Variants in SMARCAL1 observed in about 807,000 individuals in gnomAD.
The protein encoded by SMARCAL1 is ATP-driven annealing helicase.
SMARCAL1 carries 58 observed loss-of-function variants against 94.5 expected under a neutral mutation model. That is an observed-to-expected ratio of 0.61 (90% confidence interval 0.50 to 0.76). The LOEUF (loss-of-function observed/expected upper bound fraction) is 0.76, where lower values mean the gene tolerates loss of function less well. Among genes scored for constraint, SMARCAL1 ranks in the 30% least tolerant of loss-of-function variants. The pLI, the probability that SMARCAL1 is intolerant of heterozygous loss-of-function variation, is 0.00. For synonymous variants in SMARCAL1, 422 were observed against 455.1 expected (o/e 0.93, Z 0.93); for missense variants, 1,051 against 1,177.9 (o/e 0.89, Z 1.58).
intron 12 of SMARCAL1, among the ~76,000 whole-genome samples, chr2:216,460,794 C>A (rs1252476958): frequency 6.6e-6 from 1 of 151,792 alleles, no homozygotes; most frequent in Non-Finnish European, 1.5e-5. Flanking sequence ...ATGTAACAAA[C>A]CTGCACGTTG....
intron 6 of SMARCAL1, among the ~76,000 whole-genome samples, chr2:216,425,233 C>T (rs1559124170): frequency 6.6e-6 from 1 of 152,220 alleles, no homozygotes; most frequent in African/African-American, 2.4e-5. Flanking sequence ...AGTCTGGCCA[C>T]AGCACATAGC....
At chr2:216,442,569 G>T (rs1450887222) in intron 10 of SMARCAL1, among the ~76,000 whole-genome samples, 1 of 152,154 alleles carries the variant, frequency 6.6e-6, no homozygotes, top group Non-Finnish European at 1.5e-5. Flanking sequence ...AAAATAACCT[G>T]CACCTATGGA....
intron 17 of SMARCAL1, 125 bp downstream of exon 17, chr2:216,478,424 A>G (rs1410513470): frequency 5.2e-6 from 4 of 769,520 alleles, no homozygotes; most frequent in Non-Finnish European, 7.0e-6. Context: ...CCTAGAGCTG[A>G]AAACAATGGC....
intron 9 of SMARCAL1, among the ~76,000 whole-genome samples, chr2:216,436,200 C>T (rs1694078660): frequency 6.6e-6 from 1 of 152,176 alleles, no homozygotes; most frequent in South Asian, 2.1e-4. Context: ...AACTCCTGAC[C>T]TCAGGTGATC....
Position 216,447,137 on chromosome 2 carries a change from TC to T in SMARCAL1, c.1831del (p.Arg611AlafsTer23), listed in dbSNP as rs1253749894. The part of the protein sequence containing the change: ...FFPQFHAFGL[R>X]YCDAKRMPWG... ...TCCCCCAGTTTCATGCCTTTGGACTTCGCTACTGTGATGCCAAACGGGTATG... is the reference window on the plus strand; with the variant it reads ...TCCCCCAGTTTCATGCCTTTGGACTTGCTACTGTGATGCCAAACGGGTATG... On this transcript the variant is annotated frameshift_variant, in exon 11 of 18. Coordinates refer to ENST00000357276, the MANE Select transcript of SMARCAL1 (RefSeq NM_014140.4). LOFTEE classifies it high-confidence loss of function. 1 of 1,614,066 alleles carries T rather than the reference TC, an allele frequency of 6.2e-7. No individual in the cohort carries two copies. Among genetic ancestry groups the T allele is most frequent in the Non-Finnish European group, 8.5e-7 (1 of 1,180,010 alleles).
chr2:216,461,466 G>A (rs953221781), intron 12 of SMARCAL1, among the ~76,000 whole-genome samples: 3 of 151,988 alleles, frequency 2.0e-5, no homozygotes, highest in African/African-American at 7.3e-5. Flanking sequence ...ATACAAACAC[G>A]TCAAGTGGGA....
chr2:216,421,454 C>T (rs1693718882), intron 5 of SMARCAL1, among the ~76,000 whole-genome samples: 1 of 152,118 alleles, frequency 6.6e-6, no homozygotes, highest in South Asian at 2.1e-4. Context: ...CCTGCCACCA[C>T]ACTGGGCTAA....
intron 7 of SMARCAL1, among the ~76,000 whole-genome samples, chr2:216,431,610 G>C (rs1230532744): frequency 6.6e-6 from 1 of 152,216 alleles, no homozygotes; most frequent in Non-Finnish European, 1.5e-5. Context: ...AGCTCCATGA[G>C]ATAGGTACTG....
chr2:216,454,987 G>A (rs1169353410), intron 12 of SMARCAL1, among the ~76,000 whole-genome samples: 2 of 152,196 alleles, frequency 1.3e-5, no homozygotes, highest in Non-Finnish European at 2.9e-5. Flanking sequence ...CTGGAAAATC[G>A]GGTCACTCCC....
intron 4 of SMARCAL1, among the ~76,000 whole-genome samples, chr2:216,419,578 A>C (rs1174721369): frequency 6.6e-6 from 1 of 152,210 alleles, no homozygotes; most frequent in Non-Finnish European, 1.5e-5. Context: ...CAGTAGACAG[A>C]GTAGCGACCT....
rs1694845740 is a variant in SMARCAL1 at position 216,467,138 on chromosome 2, C to T, written c.2142-806C>T. ...CCTGGTGACTTCCCACCCCACTGCT[C>T]CCTGAGGGTAGCCACCTTAAGGCCA... On this transcript the variant is annotated intron_variant, in intron 13 of 17. Coordinates refer to ENST00000357276, the MANE Select transcript of SMARCAL1 (RefSeq NM_014140.4). 2.0e-5 allele frequency among the ~76,000 whole-genome samples: 3 copies of T among 152,252 alleles called. No individual in the cohort carries two copies. The South Asian group carries it at 6.2e-4, about 32-fold the overall frequency.
chr2:216,469,030 A>T (rs1267706318), intron 14 of SMARCAL1, among the ~76,000 whole-genome samples: 2 of 152,004 alleles, frequency 1.3e-5, no homozygotes, highest in East Asian at 3.9e-4. Context: ...TTATTTTTTT[A>T]ATAATAAAAT....
At chr2:216,433,530 C>A (rs1339514512) in intron 8 of SMARCAL1, among the ~76,000 whole-genome samples, 1 of 152,118 alleles carries the variant, frequency 6.6e-6, no homozygotes, top group Non-Finnish European at 1.5e-5. Context: ...TAATGAGGAG[C>A]CCTGGCGGAT....
Position 216,464,674 on chromosome 2 carries a change from G to T in SMARCAL1, c.2141+7G>T, listed in dbSNP as rs1559135620. On this transcript the variant is annotated splice_region_variant and intron_variant, in intron 13 of 17. Coordinates refer to ENST00000357276, the MANE Select transcript of SMARCAL1 (RefSeq NM_014140.4). Reference sequence around the variant, plus strand: ...CTAAAATCCCATCTGTCATGTAAGTGGTCACTAAGTGTCGACCTCTCTCTC... The same window carrying T: ...CTAAAATCCCATCTGTCATGTAAGTTGTCACTAAGTGTCGACCTCTCTCTC... 6.3e-7 allele frequency: 1 copy of T among 1,595,580 alleles called. No homozygotes were observed. The highest frequency in any genetic ancestry group is 1.3e-5 in the African/African-American group (1 of 74,336).
At chr2:216,465,264 C>G (rs1325720023) in intron 13 of SMARCAL1, among the ~76,000 whole-genome samples, 2 of 152,180 alleles carry the variant, frequency 1.3e-5, no homozygotes, top group Non-Finnish European at 2.9e-5. Context: ...TCTAAGAGAT[C>G]CTGTCTTGAG....
At chr2:216,469,444 G>T (rs1289581100) in intron 14 of SMARCAL1, among the ~76,000 whole-genome samples, 1 of 151,718 alleles carries the variant, frequency 6.6e-6, no homozygotes, top group Non-Finnish European at 1.5e-5. Flanking sequence ...ACCATGCCTG[G>T]CTAATTTTTT....
Position 216,415,206 on chromosome 2 carries a change from G to A in SMARCAL1, c.502G>A (p.Ala168Thr), listed in dbSNP as rs1693561392. 6.2e-7 allele frequency: 1 copy of A among 1,614,124 alleles called. No homozygotes were observed. The highest frequency in any genetic ancestry group is 1.1e-5 in the South Asian group (1 of 91,066). Residue 168 changes from alanine to threonine, a missense_variant, in exon 3 of 18, where the codon GCC (alanine) becomes ACC (threonine). Ala to Thr is a moderately conservative substitution (Grantham distance 58). This residue lies in a region of SMARCAL1 where 398 missense variants were observed against 395.2 expected (regional missense o/e 1.01). Transcript: ENST00000357276. ...PFANPTHKPL[A>T]KPKSSQETPA... ...TGCTAACCCAACTCATAAGCCTCTGGCCAAACCAAAGAGTTCCCAAGAGAC... is the reference window on the plus strand; with the variant it reads ...TGCTAACCCAACTCATAAGCCTCTGACCAAACCAAAGAGTTCCCAAGAGAC...
At position 216,415,526 on chromosome 2, in the gene SMARCAL1, C is replaced by T; in HGVS notation, c.811+11C>T. 1 of 1,447,238 alleles carries T rather than the reference C, an allele frequency of 6.9e-7. No homozygotes were observed. The allele number at this position is 1,447,238 out of a possible 1,614,324, so 89.6% of individuals were successfully genotyped here. On this transcript the variant is annotated intron_variant, in intron 3 of 17. Coordinates refer to ENST00000357276, the MANE Select transcript of SMARCAL1 (RefSeq NM_014140.4). ...CCAGCAAGAATTATGGTAATGTCTT[C>T]ATTTTTCAGCTGTTTTTTTTTTTTT...
At chr2:216,456,554 A>C (rs2106062208) in intron 12 of SMARCAL1, among the ~76,000 whole-genome samples, 1 of 145,264 alleles carries the variant, frequency 6.9e-6, no homozygotes, top group South Asian at 2.2e-4. Context: ...CATTCTTAAG[A>C]AAAGAATTTT....
Sources: allele counts gnomAD v4.1 joint callset (sites outside exome capture counted in the v4.1 genomes callset), GRCh38; gene constraint gnomAD v4.1.1; regional missense constraint gnomAD v4.1.1; transcripts MANE v1.5; gene names NCBI Gene and HGNC (gene_info 2026-07-23, HGNC 2026-07-21).